Variants in FAM135B observed in about 807,000 individuals in gnomAD.
The protein encoded by FAM135B is family with sequence similarity 135 member B, also known as protein FAM135B.
FAM135B carries 43 observed loss-of-function variants against 127.7 expected under a neutral mutation model. That is an observed-to-expected ratio of 0.34 (90% confidence interval 0.26 to 0.43). The LOEUF is 0.43. FAM135B is among the 20% of genes least tolerant of loss of function. FAM135B has a pLI of 1.00. For synonymous variants in FAM135B, 670 were observed against 665.1 expected (o/e 1.01, Z -0.11); for missense variants, 1,558 against 1,725.6 (o/e 0.90, Z 1.72).
intron 4 of FAM135B, among the ~76,000 whole-genome samples, chr8:138,263,359 C>A (rs975984022): frequency 6.6e-6 from 1 of 152,052 alleles, no homozygotes; most frequent in African/African-American, 2.4e-5. Context: ...AGTCTGGACC[C>A]ATTCTCCTCG....
chr8:138,244,893 G>A (rs1296259873), intron 6 of FAM135B, among the ~76,000 whole-genome samples: 1 of 152,122 alleles, frequency 6.6e-6, no homozygotes, highest in Non-Finnish European at 1.5e-5. Context: ...GAAGGCTAAG[G>A]GGTTTTGGAG....
chr8:138,360,055 G>C lies in FAM135B; in HGVS notation c.77+7852C>G, dbSNP rs556773119. On this transcript the variant is annotated intron_variant, in intron 2 of 19. Coordinates refer to ENST00000395297, the MANE Select transcript of FAM135B (RefSeq NM_015912.4). ...TCAGTAAAATCATCTAAAGCCACTG[G>C]GGAGAAAATCTCCTAAATGATATGT... Among the ~76,000 whole-genome samples the C allele has an allele frequency of 3.3e-5, 5 of 152,184 alleles. No individual in the cohort carries two copies. In the South Asian group the frequency reaches 1.0e-3, roughly 32 times the overall value.
chr8:138,259,322 GA>G (rs1822364926), intron 4 of FAM135B, among the ~76,000 whole-genome samples: 1 of 152,150 alleles, frequency 6.6e-6, no homozygotes, highest in Admixed American at 6.5e-5. Context: ...GGCAGCTTCT[GA>G]AACCCAGATA....
chr8:138,367,421 T>C (rs1476138268), intron 2 of FAM135B: 1 of 456,560 alleles, frequency 2.2e-6, no homozygotes, highest in Non-Finnish European at 4.4e-6. Flanking sequence ...CTCAAAAAGA[T>C]GAAAGCATTA....
At chr8:138,225,234 TA>T (rs1413851184) in intron 7 of FAM135B, among the ~76,000 whole-genome samples, 3 of 151,956 alleles carry the variant, frequency 2.0e-5, no homozygotes, top group South Asian at 2.1e-4. Context: ...ATTTGTCAAC[TA>T]AAAAATAAAT....
At chr8:138,213,506 T>A (rs1299741809) in intron 7 of FAM135B, among the ~76,000 whole-genome samples, 2 of 131,208 alleles carry the variant, frequency 1.5e-5, no homozygotes, top group South Asian at 2.7e-4. Flanking sequence ...TTATGTAATT[T>A]CTTTTTTTTT....
At chr8:138,336,711 T>G (rs188668980) in intron 2 of FAM135B, among the ~76,000 whole-genome samples, 9 of 152,306 alleles carry the variant, frequency 5.9e-5, no homozygotes, top group Admixed American at 5.9e-4. Flanking sequence ...CTTCTGAAAT[T>G]ATTACAATTA....
At chr8:138,360,976 AGTGCAGTGGCACAATCT>A (rs1830385905) in intron 2 of FAM135B, among the ~76,000 whole-genome samples, 3 of 149,690 alleles carry the variant, frequency 2.0e-5, no homozygotes, top group African/African-American at 7.4e-5. Context: ...CCCAGGCAGG[AGTGCAGTGGCACAATCT>A]CAGTTCACTG....
chr8:138,341,134 C>T (rs1009283448), intron 2 of FAM135B, among the ~76,000 whole-genome samples: 8 of 152,124 alleles, frequency 5.3e-5, no homozygotes, highest in Non-Finnish European at 1.2e-4. Flanking sequence ...CAGCATTCTT[C>T]GCAATAGCCA....
intron 11 of FAM135B, among the ~76,000 whole-genome samples, chr8:138,171,699 G>C (rs139847323): frequency 1.3e-5 from 2 of 152,192 alleles, no homozygotes; most frequent in African/African-American, 4.8e-5. Context: ...TTTGAGTCTG[G>C]ACTCTATGTG....
chr8:138,306,430 G>A (rs1250037542), intron 3 of FAM135B, among the ~76,000 whole-genome samples: 2 of 147,092 alleles, frequency 1.4e-5, no homozygotes, highest in African/African-American at 2.5e-5. Context: ...GCAAGACTCC[G>A]TCTCGAAAAA....
intron 1 of FAM135B, among the ~76,000 whole-genome samples, chr8:138,477,881 T>C (rs1385506872): frequency 2.0e-5 from 3 of 152,132 alleles, no homozygotes; most frequent in Admixed American, 6.5e-5. Context: ...ATGGACATCA[T>C]GTCTGATTAT....
intron 1 of FAM135B, among the ~76,000 whole-genome samples, chr8:138,492,640 T>G (rs1266571565): frequency 3.3e-5 from 5 of 152,096 alleles, no homozygotes; most frequent in Non-Finnish European, 1.5e-5. Flanking sequence ...TGGCCTCTTG[T>G]TCCAGCCCTG....
chr8:138,371,664 C>G (rs1831130392), intron 1 of FAM135B, among the ~76,000 whole-genome samples: 1 of 152,098 alleles, frequency 6.6e-6, no homozygotes, highest in Admixed American at 6.6e-5. Flanking sequence ...GTATTTGTTC[C>G]AAGAACCTCC....
At chr8:138,182,244 G>T (rs932062463) in intron 9 of FAM135B, among the ~76,000 whole-genome samples, 2 of 152,230 alleles carry the variant, frequency 1.3e-5, no homozygotes, top group South Asian at 4.1e-4. Flanking sequence ...TAAGGTTAAA[G>T]AAGCTTCTAA....
chr8:138,194,533 C>T (rs932529857), intron 9 of FAM135B, among the ~76,000 whole-genome samples: 1 of 152,174 alleles, frequency 6.6e-6, no homozygotes, highest in African/African-American at 2.4e-5. Context: ...CATTAAAGTT[C>T]CAAGGATGAT....
chr8:138,400,608 T>C (rs1473258885), intron 1 of FAM135B, among the ~76,000 whole-genome samples: 1 of 152,150 alleles, frequency 6.6e-6, no homozygotes, highest in Non-Finnish European at 1.5e-5. Context: ...TGGAAGGAGC[T>C]GCCTGATGCA....
chr8:138,154,581 G>T (rs1818518883), intron 12 of FAM135B, among the ~76,000 whole-genome samples: 1 of 152,052 alleles, frequency 6.6e-6, no homozygotes, highest in Non-Finnish European at 1.5e-5. Context: ...AGAATAAACA[G>T]CATAGAGAAG....
intron 2 of FAM135B, among the ~76,000 whole-genome samples, chr8:138,325,985 G>A (rs1827775762): frequency 6.6e-6 from 1 of 152,120 alleles, no homozygotes; most frequent in African/African-American, 2.4e-5. Context: ...ATCAGCAAAT[G>A]TCTGTACTCC....
Sources: gnomAD v4.1 joint callset for allele counts (sites outside exome capture counted in the v4.1 genomes callset) on GRCh38, gnomAD v4.1.1 for gene constraint, MANE v1.5 for transcripts, NCBI Gene and HGNC (gene_info 2026-07-23, HGNC 2026-07-21) for gene names.